The following PPP3CA variants were observed in gnomAD, a reference collection of about 807,000 sequenced individuals.
PPP3CA encodes CAM-PRP catalytic subunit.
PPP3CA carries 14 observed loss-of-function variants against 66.5 expected under a neutral mutation model. The observed-to-expected ratio is 0.21, with a 90% CI of 0.14 to 0.33. The LOEUF is 0.33. PPP3CA is among the 10% of genes least tolerant of loss of function. PPP3CA has a pLI of 1.00. For synonymous variants in PPP3CA, 232 were observed against 226.2 expected (o/e 1.03, Z -0.23); for missense variants, 317 against 639.5 (o/e 0.50, Z 5.44).
chr4:101,283,403 T>C (rs1727746035), intron 1 of PPP3CA, among the ~76,000 whole-genome samples: 1 of 152,152 alleles, frequency 6.6e-6, no homozygotes, highest in Admixed American at 6.5e-5. Context: ...TTCTACACAA[T>C]GTTATAAATC....
Position 101,062,641 on chromosome 4 carries a change from A to C in PPP3CA, c.1081+591T>G, listed in dbSNP as rs572960964. On this transcript the variant is annotated intron_variant, in intron 9 of 13. Coordinates refer to ENST00000394854, the MANE Select transcript of PPP3CA (RefSeq NM_000944.5). ...AAGCAAAACAAAGGAGGAAAGAAGGAAGGTAGGAAGAAAGTTAACAAATAA... is the reference window on the plus strand; with the variant it reads ...AAGCAAAACAAAGGAGGAAAGAAGGCAGGTAGGAAGAAAGTTAACAAATAA... Among the ~76,000 whole-genome samples, 9 of 152,046 alleles carry C rather than the reference A, an allele frequency of 5.9e-5. No homozygotes were observed. In the East Asian group the frequency reaches 1.4e-3, roughly 23 times the overall value.
At chr4:101,131,395 AG>A (rs1260381767) in intron 2 of PPP3CA, among the ~76,000 whole-genome samples, 1 of 150,352 alleles carries the variant, frequency 6.7e-6, no homozygotes, top group Non-Finnish European at 1.5e-5. Context: ...AAAGGAATGG[AG>A]GAAGATTTAC....
intron 1 of PPP3CA, among the ~76,000 whole-genome samples, chr4:101,297,283 C>T (rs955342414): frequency 2.6e-5 from 4 of 152,214 alleles, no homozygotes; most frequent in Non-Finnish European, 4.4e-5. Flanking sequence ...TCTCTCTTCG[C>T]ACTGTGCCTA....
Position 101,196,106 on chromosome 4 carries a change from A to T in PPP3CA, c.69T>A (p.Phe23Leu). Residue 23 changes from phenylalanine to leucine, a missense_variant, in exon 2 of 14, where the codon TTT (phenylalanine) becomes TTA (leucine). By Grantham distance (22) the Phe-to-Leu change is conservative. Transcript: ENST00000394854. ...TTGCTGTAAGCCGGTGACTTGGAGG[A>T]AATGGAACAGCTGAAAGAAGAAAGG... ...TTDRVVKAVPFPPSHRLTAKE... is the reference protein window; with the variant it reads ...TTDRVVKAVPLPPSHRLTAKE... The T allele has an allele frequency of 6.2e-7, 1 of 1,613,866 alleles. No homozygotes were observed. Among genetic ancestry groups the T allele is most frequent in the African/African-American group, 1.3e-5 (1 of 75,026 alleles).
chr4:101,044,912 C>G (rs984895111), intron 10 of PPP3CA, among the ~76,000 whole-genome samples: 3 of 152,178 alleles, frequency 2.0e-5, no homozygotes, highest in African/African-American at 7.2e-5. Flanking sequence ...AGATTTCAGC[C>G]TTAGAAAGGA....
chr4:101,100,228 G>C (rs1261950570), intron 3 of PPP3CA, among the ~76,000 whole-genome samples: 1 of 152,050 alleles, frequency 6.6e-6, no homozygotes, highest in Non-Finnish European at 1.5e-5. Context: ...AGAGAAGAAG[G>C]CAGGGAGCTA....
chr4:101,196,301 G>T, intron 1 of PPP3CA, among the ~76,000 whole-genome samples, 185 bp from the exon 2 acceptor site: 1 of 152,132 alleles, frequency 6.6e-6, no homozygotes, highest in East Asian at 1.9e-4. Context: ...TTTGATTCTA[G>T]ATATAATGTG....
intron 1 of PPP3CA, among the ~76,000 whole-genome samples, chr4:101,302,040 T>A (rs1728395387): frequency 6.6e-6 from 1 of 152,158 alleles, no homozygotes; most frequent in South Asian, 2.1e-4. Flanking sequence ...AAGGGTATAC[T>A]TTTTTAGATA....
At chr4:101,120,026 T>C (rs1228818992) in intron 2 of PPP3CA, among the ~76,000 whole-genome samples, 2 of 152,106 alleles carry the variant, frequency 1.3e-5, no homozygotes, top group Admixed American at 6.6e-5. Flanking sequence ...TTTGAAAAGG[T>C]TCATTTAAAA....
intron 1 of PPP3CA, among the ~76,000 whole-genome samples, chr4:101,271,864 C>T (rs1469193212): frequency 6.6e-6 from 1 of 152,174 alleles, no homozygotes; most frequent in Non-Finnish European, 1.5e-5. Flanking sequence ...ACACAAACAA[C>T]AAAAGTGCTG....
At chr4:101,205,569 G>A (rs1351608389) in intron 1 of PPP3CA, among the ~76,000 whole-genome samples, 3 of 149,904 alleles carry the variant, frequency 2.0e-5, no homozygotes, top group Non-Finnish European at 3.0e-5. Flanking sequence ...AAGTTGATAG[G>A]AAAAAAAAAA....
At chr4:101,313,810 T>C (rs1375414370) in intron 1 of PPP3CA, among the ~76,000 whole-genome samples, 1 of 152,200 alleles carries the variant, frequency 6.6e-6, no homozygotes, top group Non-Finnish European at 1.5e-5. Context: ...AATAAAATTA[T>C]ACAAGATACA....
chr4:101,154,808 A>ATTTTTTTTTT (rs779695561), intron 2 of PPP3CA, among the ~76,000 whole-genome samples: 8 of 90,584 alleles, frequency 8.8e-5, no homozygotes, highest in East Asian at 3.9e-4. Flanking sequence ...CACTCCCAGA[A>ATTTTTTTTTT]TTTTTTTTTT....
intron 2 of PPP3CA, among the ~76,000 whole-genome samples, chr4:101,178,538 T>C (rs966968561): frequency 6.6e-6 from 1 of 152,094 alleles, no homozygotes; most frequent in East Asian, 1.9e-4. Context: ...TGGACAGACT[T>C]TTGGTACTGT....
intron 2 of PPP3CA, among the ~76,000 whole-genome samples, chr4:101,121,653 T>C (rs1484973637): frequency 6.6e-6 from 1 of 152,142 alleles, no homozygotes; most frequent in Non-Finnish European, 1.5e-5. Context: ...GTACCTGCTG[T>C]GCCATAGGTG....
intron 2 of PPP3CA, among the ~76,000 whole-genome samples, chr4:101,154,978 A>G (rs902224664): frequency 2.0e-5 from 3 of 151,852 alleles, no homozygotes; most frequent in Non-Finnish European, 4.4e-5. Flanking sequence ...CACCACACCC[A>G]GCTAATTTTT....
At chr4:101,038,113 G>A (rs1408371824) in intron 11 of PPP3CA, among the ~76,000 whole-genome samples, 3 of 152,094 alleles carry the variant, frequency 2.0e-5, no homozygotes, top group Non-Finnish European at 4.4e-5. Context: ...GCATGAACCT[G>A]GCACTTAGCA....
chr4:101,123,912 G>A (rs2659544), intron 2 of PPP3CA, among the ~76,000 whole-genome samples: 3 of 152,072 alleles, frequency 2.0e-5, no homozygotes, highest in Admixed American at 2.0e-4. Flanking sequence ...TAAAGTTGTA[G>A]TAACTTGTAC....
intron 10 of PPP3CA, among the ~76,000 whole-genome samples, chr4:101,051,411 T>C (rs1177456182): frequency 2.0e-5 from 3 of 152,140 alleles, no homozygotes; most frequent in Admixed American, 6.6e-5. Flanking sequence ...CTAATAAAAG[T>C]ACAATCTTCA....
Sources: gnomAD v4.1 joint callset for allele counts (sites outside exome capture counted in the v4.1 genomes callset) on GRCh38, gnomAD v4.1.1 for gene constraint, MANE v1.5 for transcripts, NCBI Gene and HGNC (gene_info 2026-07-23, HGNC 2026-07-21) for gene names.